PPP2R2B: variants seen among roughly 807,000 people sequenced by gnomAD.
The protein encoded by PPP2R2B is serine/threonine-protein phosphatase 2A 55 kDa regulatory subunit B beta isoform.
In PPP2R2B, 5 loss-of-function variants were observed where a neutral mutation model predicts 46.0. The ratio of observed to expected loss-of-function variants is 0.11; its 90% CI spans 0.06 to 0.23. PPP2R2B has a LOEUF of 0.23. Among genes scored for constraint, PPP2R2B ranks in the 10% least tolerant of loss-of-function variants. PPP2R2B has a pLI of 1.00. For missense variants in PPP2R2B, 367 were observed against 575.0 expected, an observed-to-expected ratio of 0.64 and a Z score of 3.70; for synonymous variants, 215 against 206.7, an observed-to-expected ratio of 1.04 and a Z score of -0.34.
chr5:146,712,283 G>A (rs1349665227), intron 2 of PPP2R2B, among the ~76,000 whole-genome samples: 1 of 152,112 alleles, frequency 6.6e-6, no homozygotes. Flanking sequence ...GCTAGGAGTT[G>A]TGGTATTTTG....
intron 4 of PPP2R2B, among the ~76,000 whole-genome samples, chr5:146,693,105 T>A (rs1304498931): frequency 1.3e-5 from 2 of 151,914 alleles, no homozygotes; most frequent in Non-Finnish European, 2.9e-5. Flanking sequence ...TACATAACCC[T>A]TCCTCCCTTC....
chr5:146,994,729 G>T (rs146556624), intron 1 of PPP2R2B, among the ~76,000 whole-genome samples: 80 of 152,318 alleles, frequency 5.3e-4, no homozygotes, highest in African/African-American at 1.9e-3. Context: ...TTGGCAGCCA[G>T]TCAGGCATGC....
chr5:146,828,037 CAG>C (rs1758688095), intron 2 of PPP2R2B, among the ~76,000 whole-genome samples: 2 of 151,610 alleles, frequency 1.3e-5, no homozygotes, highest in Admixed American at 1.3e-4. Flanking sequence ...GAGACAGAGA[CAG>C]AGACAGACAA....
intron 1 of PPP2R2B, among the ~76,000 whole-genome samples, chr5:146,909,243 T>C (rs319171): frequency 0.46 from 70,334 of 151,950 alleles, 17,474 homozygotes; most frequent in East Asian, 0.66. Flanking sequence ...ACCATGACAT[T>C]CCCCCACACT....
rs1284986523 is a variant in PPP2R2B, at chr5:146,586,841, T to C, written c.*3106A>G. On this transcript the variant is annotated 3_prime_UTR_variant, in exon 10 of 10. Transcript: ENST00000394411. ...TTCTTGATGCTGGCTAGTATCTTCC[T>C]TTTTTGTTTTTTCTAACTAATCTTC... The C allele has an allele frequency of 1.3e-5, 2 of 152,134 alleles. No homozygotes were observed. Among genetic ancestry groups the C allele is most frequent in the Non-Finnish European group, 2.9e-5 (2 of 68,048 alleles). The allele number at this position is 152,134 out of a possible 1,614,324, so 9.4% of individuals were successfully genotyped here.
At chr5:146,598,940 CATTGA>C (rs2151014172) in intron 8 of PPP2R2B, among the ~76,000 whole-genome samples, 1 of 152,108 alleles carries the variant, frequency 6.6e-6, no homozygotes, top group East Asian at 1.9e-4. Context: ...AAACTAAGAT[CATTGA>C]ATTGTGCACT....
chr5:146,588,537 T>C lies in PPP2R2B; in HGVS notation c.*1410A>G, dbSNP rs1407286264. The C allele has an allele frequency of 6.6e-6, 1 of 152,222 alleles. No individual in the cohort carries two copies. The highest frequency in any genetic ancestry group is 1.5e-5 in the Non-Finnish European group (1 of 68,056). The allele number at this position is 152,222 out of a possible 1,614,324, so 9.4% of individuals were successfully genotyped here. On this transcript the variant is annotated 3_prime_UTR_variant, in exon 10 of 10. Coordinates refer to ENST00000394411, the MANE Select transcript of PPP2R2B (RefSeq NM_181675.4). ...AGTCATCAAGACAGATGTAGAGATA[T>C]TAACCCAGAACCAGTTTTCTGGACT...
chr5:146,598,492 T>C (rs1025298593), intron 8 of PPP2R2B, among the ~76,000 whole-genome samples: 1 of 152,236 alleles, frequency 6.6e-6, no homozygotes, highest in African/African-American at 2.4e-5. Context: ...GATTTATATC[T>C]TGAAGCTAAA....
At chr5:146,837,141 A>T (rs1759335561) in intron 2 of PPP2R2B, among the ~76,000 whole-genome samples, 1 of 152,204 alleles carries the variant, frequency 6.6e-6, no homozygotes, top group South Asian at 2.1e-4. Context: ...AGTGATACAC[A>T]TTCAGTAGAA....
intron 1 of PPP2R2B, among the ~76,000 whole-genome samples, chr5:146,927,188 A>G (rs189262165): frequency 2.2e-4 from 34 of 152,254 alleles, no homozygotes; most frequent in Admixed American, 2.2e-3. Flanking sequence ...CCTTTGGCTG[A>G]TTTCCAGAGC....
chr5:146,706,016 T>G (rs1472620817), intron 2 of PPP2R2B, among the ~76,000 whole-genome samples: 1 of 152,000 alleles, frequency 6.6e-6, no homozygotes, highest in Admixed American at 6.6e-5. Context: ...ACAATTGAAT[T>G]GTTTTGTGGC....
Position 146,820,159 on chromosome 5 carries a change from A to G in PPP2R2B, c.70+57843T>C, listed in dbSNP as rs151307454. The stretch of plus-strand genomic sequence containing the variant: ...GCACAGAAGGGTGACTATAGTTAAC[A>G]ATAAGATATTGTAATTTCAAAACAT... On this transcript the variant is annotated intron_variant, in intron 2 of 9. Transcript: ENST00000394411. Among the ~76,000 whole-genome samples, 27 of 152,326 alleles carry G rather than the reference A, an allele frequency of 1.8e-4. 2 individuals are homozygous for G. The East Asian group carries it at 5.0e-3, about 28-fold the overall frequency.
intron 5 of PPP2R2B, among the ~76,000 whole-genome samples, chr5:146,661,501 A>G (rs999009311): frequency 7.9e-5 from 12 of 152,126 alleles, no homozygotes; most frequent in Non-Finnish European, 2.9e-5. Flanking sequence ...TTTCAAAGAC[A>G]TATAAAATAT....
intron 1 of PPP2R2B, among the ~76,000 whole-genome samples, chr5:146,985,195 G>A (rs1177345730): frequency 6.6e-6 from 1 of 150,988 alleles, no homozygotes; most frequent in Non-Finnish European, 1.5e-5. Flanking sequence ...TAGTTTTTGT[G>A]TTTTTAGTAG....
At chr5:146,810,711 T>G (rs1358489879) in intron 2 of PPP2R2B, among the ~76,000 whole-genome samples, 1 of 151,700 alleles carries the variant, frequency 6.6e-6, no homozygotes, top group East Asian at 1.9e-4. Context: ...CTGTCTTTTT[T>G]TTTCTTTTTA....
At chr5:146,959,482 C>T (rs574846246) in intron 1 of PPP2R2B, among the ~76,000 whole-genome samples, 2 of 152,226 alleles carry the variant, frequency 1.3e-5, no homozygotes, top group South Asian at 4.2e-4. Flanking sequence ...TTATCTCCAC[C>T]CAGTACCTCA....
At chr5:147,069,409 A>G (rs1757508146) in intron 2 of PPP2R2B, among the ~76,000 whole-genome samples, 1 of 152,204 alleles carries the variant, frequency 6.6e-6, no homozygotes. Context: ...GAGTACTTCC[A>G]TCCTTAGACT....
At chr5:146,824,212 A>G (rs1040499289) in intron 2 of PPP2R2B, among the ~76,000 whole-genome samples, 7 of 152,232 alleles carry the variant, frequency 4.6e-5, no homozygotes, top group African/African-American at 1.7e-4. Flanking sequence ...GGCTATTTCT[A>G]TTCCAAAAGC....
chr5:146,810,642 C>T (rs1381721526), intron 2 of PPP2R2B, among the ~76,000 whole-genome samples: 1 of 152,174 alleles, frequency 6.6e-6, no homozygotes, highest in African/African-American at 2.4e-5. Context: ...CTCTTTCCTT[C>T]ACCTTCACTG....
Sources: gnomAD v4.1 joint callset for allele counts (sites outside exome capture counted in the v4.1 genomes callset) on GRCh38, gnomAD v4.1.1 for gene constraint, MANE v1.5 for transcripts, NCBI Gene and HGNC (gene_info 2026-07-23, HGNC 2026-07-21) for gene names.